Variants in CTNNA3 observed in about 807,000 individuals in gnomAD.
CTNNA3 encodes the protein catenin alpha 3.
Under a neutral mutation model 95.7 loss-of-function variants are expected in CTNNA3, and 76 were observed. The ratio of observed to expected loss-of-function variants is 0.79; its 90% CI spans 0.66 to 0.96. The LOEUF (loss-of-function observed/expected upper bound fraction) is 0.96. CTNNA3 is among the 40% of genes least tolerant of loss of function. The pLI, the probability that CTNNA3 is intolerant of heterozygous loss-of-function variation, is 0.00. For missense variants in CTNNA3, 1,191 were observed against 1,089.8 expected (o/e 1.09, Z -1.31); for synonymous variants, 431 against 374.4 (o/e 1.15, Z -1.74).
chr10:67,216,803 T>TA (rs1224346848), intron 6 of CTNNA3, among the ~76,000 whole-genome samples: 1 of 152,242 alleles, frequency 6.6e-6, no homozygotes, highest in Non-Finnish European at 1.5e-5. Flanking sequence ...CAATATGTCT[T>TA]AATGGACTTG....
intron 9 of CTNNA3, among the ~76,000 whole-genome samples, chr10:66,669,755 C>T (rs1846590494): frequency 6.6e-6 from 1 of 151,952 alleles, no homozygotes; most frequent in Admixed American, 6.6e-5. Flanking sequence ...ATTTTCCAAG[C>T]TTTGATAAAA....
intron 7 of CTNNA3, among the ~76,000 whole-genome samples, chr10:67,159,389 C>A (rs1047764384): frequency 6.6e-6 from 1 of 152,062 alleles, no homozygotes; most frequent in Non-Finnish European, 1.5e-5. Context: ...GCTCGTCCTG[C>A]TACAAAGGAA....
At chr10:66,319,110 C>T (rs1355416938) in intron 12 of CTNNA3, among the ~76,000 whole-genome samples, 1 of 151,988 alleles carries the variant, frequency 6.6e-6, no homozygotes, top group Non-Finnish European at 1.5e-5. Context: ...AGTTGCTTAG[C>T]TCTTCTGAGC....
chr10:66,070,060 T>G (rs544790677), intron 14 of CTNNA3, among the ~76,000 whole-genome samples: 1 of 152,328 alleles, frequency 6.6e-6, no homozygotes, highest in Non-Finnish European at 1.5e-5. Flanking sequence ...TATTTCTTAT[T>G]CAATAAAATT....
intron 7 of CTNNA3, among the ~76,000 whole-genome samples, chr10:66,793,286 T>C (rs1841050153): frequency 6.6e-6 from 1 of 152,084 alleles, no homozygotes; most frequent in South Asian, 2.1e-4. Context: ...GGACTACAGG[T>C]GCACATCACC....
chr10:66,409,043 T>TATC (rs1344130870), intron 11 of CTNNA3, among the ~76,000 whole-genome samples: 1 of 152,204 alleles, frequency 6.6e-6, no homozygotes, highest in African/African-American at 2.4e-5. Flanking sequence ...GGAGTTATCC[T>TATC]ATCAGCCAAA....
intron 8 of CTNNA3, among the ~76,000 whole-genome samples, chr10:66,774,307 G>A (rs1840208328): frequency 1.3e-5 from 2 of 152,094 alleles, no homozygotes; most frequent in Non-Finnish European, 2.9e-5. Flanking sequence ...TCGCTCTGAG[G>A]ATATAAATTT....
intron 13 of CTNNA3, among the ~76,000 whole-genome samples, chr10:66,260,859 G>C (rs1055282357): frequency 2.0e-5 from 3 of 151,968 alleles, no homozygotes; most frequent in Non-Finnish European, 4.4e-5. Flanking sequence ...CTCTAGATCT[G>C]ACATAGAGAT....
chr10:67,083,961 A>C (rs1857176087), intron 7 of CTNNA3, among the ~76,000 whole-genome samples: 1 of 152,180 alleles, frequency 6.6e-6, no homozygotes, highest in Non-Finnish European at 1.5e-5. Context: ...AGAGGGACAC[A>C]GTCAATTCAG....
chr10:66,548,900 A>G (rs1468468508), intron 10 of CTNNA3, among the ~76,000 whole-genome samples: 1 of 151,630 alleles, frequency 6.6e-6, no homozygotes, highest in Non-Finnish European at 1.5e-5. Context: ...TTCACGAAGA[A>G]TATTTCTCTG....
At chr10:65,923,578 G>T (rs925737034) in intron 17 of CTNNA3, among the ~76,000 whole-genome samples, 1 of 152,186 alleles carries the variant, frequency 6.6e-6, no homozygotes, top group African/African-American at 2.4e-5. Context: ...AAGGAGCTTT[G>T]TTAAATCCAG....
intron 3 of CTNNA3, among the ~76,000 whole-genome samples, chr10:67,544,797 G>T (rs1053159957): frequency 6.6e-6 from 1 of 152,172 alleles, no homozygotes; most frequent in Non-Finnish European, 1.5e-5. Context: ...TAGTGGGGAA[G>T]AATTAGCCTT....
At chr10:65,931,120 T>C (rs1451703291) in intron 17 of CTNNA3, among the ~76,000 whole-genome samples, 1 of 152,214 alleles carries the variant, frequency 6.6e-6, no homozygotes, top group Non-Finnish European at 1.5e-5. Context: ...CCCTATAAAC[T>C]ATGTCATTGG....
At chr10:67,750,452 G>A (rs1052699301) in intron 1 of CTNNA3, 2 of 1,504,884 alleles carry the variant, frequency 1.3e-6, no homozygotes, top group East Asian at 2.3e-5. Context: ...TGAGGTGGGG[G>A]AAGCCATCCA....
chr10:67,000,361 G>A (rs1413035371), intron 7 of CTNNA3, among the ~76,000 whole-genome samples: 1 of 152,156 alleles, frequency 6.6e-6, no homozygotes, highest in Admixed American at 6.5e-5. Context: ...AGCTGATGAC[G>A]AAAGTTGATG....
chr10:67,125,733 T>G (rs1274488035), intron 7 of CTNNA3, among the ~76,000 whole-genome samples: 1 of 152,214 alleles, frequency 6.6e-6, no homozygotes, highest in East Asian at 1.9e-4. Flanking sequence ...GTCTGCCAAT[T>G]TGTATGGCCT....
At chr10:66,843,482 A>T (rs897122473) in intron 7 of CTNNA3, among the ~76,000 whole-genome samples, 1 of 152,218 alleles carries the variant, frequency 6.6e-6, no homozygotes, top group Non-Finnish European at 1.5e-5. Context: ...ACTCAAACAG[A>T]TGATGAGATT....
chr10:66,347,938 C>G (rs1177155740), intron 12 of CTNNA3, among the ~76,000 whole-genome samples: 3 of 152,062 alleles, frequency 2.0e-5, no homozygotes, highest in Non-Finnish European at 4.4e-5. Flanking sequence ...CTTTCTGAAA[C>G]TTGTTAGAGA....
intron 7 of CTNNA3, among the ~76,000 whole-genome samples, chr10:67,078,516 T>A (rs1012684347): frequency 2.0e-5 from 3 of 151,596 alleles, no homozygotes; most frequent in South Asian, 4.2e-4. Flanking sequence ...TGATACCTTT[T>A]TTATTATTAT....
Sources: gnomAD v4.1 joint callset for allele counts (sites outside exome capture counted in the v4.1 genomes callset) on GRCh38, gnomAD v4.1.1 for gene constraint, MANE v1.5 for transcripts, NCBI Gene and HGNC (gene_info 2026-07-23, HGNC 2026-07-21) for gene names.